HBS1L: variants seen among roughly 807,000 people sequenced by gnomAD.
HBS1L encodes the protein HBS1-like protein.
HBS1L carries 55 observed loss-of-function variants against 88.9 expected under a neutral mutation model. The observed-to-expected ratio is 0.62, with a 90% CI of 0.50 to 0.77. The LOEUF (loss-of-function observed/expected upper bound fraction) is 0.77, where lower values mean the gene tolerates loss of function less well. Ranked by LOEUF, HBS1L falls within the 30% of genes least tolerant of loss-of-function variation. The pLI is 0.00. For missense variants in HBS1L, 741 were observed against 829.3 expected, an observed-to-expected ratio of 0.89 and a Z score of 1.31; for synonymous variants, 267 against 288.5, an observed-to-expected ratio of 0.93 and a Z score of 0.76.
intron 15 of HBS1L, among the ~76,000 whole-genome samples, chr6:134,972,770 G>T (rs759469433): frequency 6.6e-6 from 1 of 152,084 alleles, no homozygotes; most frequent in African/African-American, 2.4e-5. Context: ...GATTTAAAAA[G>T]ACATTTCTCA....
chr6:134,985,355 G>T lies in HBS1L; in HGVS notation c.1478C>A (p.Ser493Tyr), dbSNP rs1774948427. 1 of 1,605,226 alleles carries T rather than the reference G, an allele frequency of 6.2e-7. No homozygotes were observed. The highest frequency in any genetic ancestry group is 1.7e-5 in the Admixed American group (1 of 58,654). ...GTAGCACTTACCTTTGAAAACATCG[G>T]ACACACATAATCTAAAAGGTTTGTC... ...SIDKPFRLCV[S>Y]DVFKDQGSGF... Residue 493 changes from serine (S) to tyrosine (Y), a missense_variant, in exon 12 of 18, where the codon TCC becomes TAC. Physicochemically the swap from Ser to Tyr is moderately radical, Grantham distance 144 (BLOSUM62 -2). Transcript: ENST00000367837.
At chr6:134,994,914 A>G (rs1483025006) in intron 7 of HBS1L, among the ~76,000 whole-genome samples, 1 of 152,146 alleles carries the variant, frequency 6.6e-6, no homozygotes, top group African/African-American at 2.4e-5. Context: ...GTAAGGAATA[A>G]TAATACTCCC....
At chr6:134,979,841 T>C (rs1440549414) in intron 13 of HBS1L, among the ~76,000 whole-genome samples, 1 of 152,062 alleles carries the variant, frequency 6.6e-6, no homozygotes, top group Non-Finnish European at 1.5e-5. Context: ...CAGAGAGAGA[T>C]CTGCATACTA....
chr6:134,968,271 T>C (rs1009534522), intron 16 of HBS1L, among the ~76,000 whole-genome samples: 38 of 151,686 alleles, frequency 2.5e-4, no homozygotes, highest in African/African-American at 9.2e-4. Flanking sequence ...TTTTTTGAGA[T>C]GGAGTTTCAC....
At chr6:134,966,287 C>T (rs985829721) in intron 17 of HBS1L, 42 bp downstream of exon 17, 4 of 1,537,472 alleles carry the variant, frequency 2.6e-6, no homozygotes, top group Non-Finnish European at 3.5e-6. Context: ...GAAAAGGCAT[C>T]ATAACTATGG....
chr6:135,030,233 G>T (rs1776345734), intron 4 of HBS1L, among the ~76,000 whole-genome samples: 2 of 152,184 alleles, frequency 1.3e-5, no homozygotes, highest in Admixed American at 1.3e-4. Context: ...ATAAAGCACA[G>T]TTACAACAGA....
intron 4 of HBS1L, among the ~76,000 whole-genome samples, chr6:135,030,816 C>T (rs951016047): frequency 1.3e-5 from 2 of 151,054 alleles, no homozygotes; most frequent in Non-Finnish European, 2.9e-5. Flanking sequence ...TTCACAGGTT[C>T]TACATTTGTG....
At chr6:135,005,664 T>G (rs2114823337) in intron 4 of HBS1L, among the ~76,000 whole-genome samples, 1 of 152,216 alleles carries the variant, frequency 6.6e-6, no homozygotes, top group Non-Finnish European at 1.5e-5. Context: ...TGGAGAAGGT[T>G]TAGTTGAATA....
chr6:135,046,345 T>C (rs1776911032), intron 2 of HBS1L, among the ~76,000 whole-genome samples: 1 of 129,868 alleles, frequency 7.7e-6, no homozygotes, highest in Non-Finnish European at 1.6e-5. Flanking sequence ...TGTATTAGAA[T>C]AGTGTTTTTC....
intron 8 of HBS1L, among the ~76,000 whole-genome samples, chr6:134,990,427 G>A (rs1484287474): frequency 6.6e-6 from 1 of 152,060 alleles, no homozygotes; most frequent in African/African-American, 2.4e-5. Context: ...ATGCTTCCTT[G>A]TGTCCCCAAA....
chr6:135,009,103 T>A (rs1422645303), intron 4 of HBS1L, among the ~76,000 whole-genome samples: 1 of 152,164 alleles, frequency 6.6e-6, no homozygotes, highest in Non-Finnish European at 1.5e-5. Flanking sequence ...GCCAGGTGCT[T>A]TACATGGTCG....
At chr6:135,041,721 A>G (rs1755831998) in intron 3 of HBS1L, among the ~76,000 whole-genome samples, 1 of 152,186 alleles carries the variant, frequency 6.6e-6, no homozygotes, top group Admixed American at 6.5e-5. Context: ...CTTCTTAACG[A>G]ATCACTAGAG....
At chr6:135,037,459 A>G (rs1776591078) in intron 4 of HBS1L, 1 of 1,549,634 alleles carries the variant, frequency 6.5e-7, no homozygotes, top group Non-Finnish European at 8.7e-7. Flanking sequence ...ATCAACAGTC[A>G]TATTTTCCAA....
chr6:134,993,363 T>G (rs553074962), intron 8 of HBS1L, among the ~76,000 whole-genome samples: 18 of 152,268 alleles, frequency 1.2e-4, no homozygotes, highest in Non-Finnish European at 2.4e-4. Flanking sequence ...ATACCCAAGC[T>G]TCATTATTTC....
intron 2 of HBS1L, among the ~76,000 whole-genome samples, chr6:135,042,750 T>A (rs1329129463): frequency 6.7e-6 from 1 of 150,030 alleles, no homozygotes; most frequent in Non-Finnish European, 1.5e-5. Context: ...GAGGCGGAGG[T>A]TGCAGTGAGC....
chr6:134,982,620 C>T, intron 12 of HBS1L, 58 bp from the exon 13 acceptor site: 1 of 905,316 alleles, frequency 1.1e-6, no homozygotes, highest in South Asian at 1.5e-5. Flanking sequence ...ATGATTAATA[C>T]CGTTAACTAT....
At chr6:134,968,468 C>G (rs574168808) in intron 16 of HBS1L, among the ~76,000 whole-genome samples, 1 of 152,232 alleles carries the variant, frequency 6.6e-6, no homozygotes, top group East Asian at 1.9e-4. Context: ...AAGCTGGTCT[C>G]AAACTCCAGA....
Position 135,007,696 on chromosome 6 carries a change from T to C in HBS1L, c.431-4854A>G, listed in dbSNP as rs528280319. Among the ~76,000 whole-genome samples, 7 of 152,294 alleles carry C rather than the reference T, an allele frequency of 4.6e-5. No homozygotes were observed. The South Asian group carries it at 1.0e-3, about 23-fold the overall frequency. Reference sequence around the variant, plus strand: ...AACTCATAACTAAAATAGCAAGTCATAGATCAATAAGAGATACATATATAT... The same window carrying C: ...AACTCATAACTAAAATAGCAAGTCACAGATCAATAAGAGATACATATATAT... On this transcript the variant is annotated intron_variant, in intron 4 of 17. Coordinates refer to ENST00000367837, the MANE Select transcript of HBS1L (RefSeq NM_006620.4).
chr6:134,966,552 T>C, intron 16 of HBS1L, 79 bp from the exon 17 acceptor site: 1 of 966,184 alleles, frequency 1.0e-6, no homozygotes. Context: ...AAAACAAATA[T>C]TTCACATTTA....
Sources: gnomAD v4.1 joint callset for allele counts (sites outside exome capture counted in the v4.1 genomes callset) on GRCh38, gnomAD v4.1.1 for gene constraint, MANE v1.5 for transcripts, NCBI Gene and HGNC (gene_info 2026-07-23, HGNC 2026-07-21) for gene names.